LRMDA: variants seen among roughly 807,000 people sequenced by gnomAD.
LRMDA encodes the protein leucine rich melanocyte differentiation associated.
A neutral mutation model predicts 29.8 loss-of-function variants in LRMDA; 18 were observed. The ratio of observed to expected loss-of-function variants is 0.60; its 90% confidence interval spans 0.42 to 0.90. The LOEUF (loss-of-function observed/expected upper bound fraction) is 0.90, where lower values mean the gene tolerates loss of function less well. LRMDA is among the 40% of genes least tolerant of loss of function. The probability of loss-of-function intolerance (pLI) is 0.00; values close to 1 mark genes in which losing one functional copy is unlikely to be tolerated. For synonymous variants in LRMDA, 125 were observed against 109.4 expected (o/e 1.14, Z -0.89); for missense variants, 273 against 273.9 (o/e 1.00, Z 0.02).
chr10:76,212,880 G>T (rs1165425238), intron 5 of LRMDA, among the ~76,000 whole-genome samples: 1 of 152,042 alleles, frequency 6.6e-6, no homozygotes, highest in African/African-American at 2.4e-5. Flanking sequence ...GGGGTGGGGG[G>T]ATGTGCCAAG....
chr10:75,465,588 T>C (rs760189580), intron 2 of LRMDA, among the ~76,000 whole-genome samples: 1 of 152,214 alleles, frequency 6.6e-6, no homozygotes, highest in Non-Finnish European at 1.5e-5. Flanking sequence ...ACTGCAGCTC[T>C]GATTTCAATT....
chr10:75,748,657 C>T (rs973251261), intron 2 of LRMDA, among the ~76,000 whole-genome samples: 7 of 152,126 alleles, frequency 4.6e-5, no homozygotes, highest in Non-Finnish European at 7.4e-5. Flanking sequence ...ATTACAGTTC[C>T]TTTAAGTCAC....
At chr10:76,290,067 G>T (rs1193204896) in intron 5 of LRMDA, among the ~76,000 whole-genome samples, 1 of 152,098 alleles carries the variant, frequency 6.6e-6, no homozygotes, top group Non-Finnish European at 1.5e-5. Context: ...GTGTGCCTAG[G>T]TCCATATTCA....
rs117609907 is a variant in LRMDA, at chr10:76,217,630, C to T, written c.517-106771C>T. ...AAGAAGAGAATGTTATTTTCTATTA[C>T]GTTCACACTGCTTTACGATGAGTCA... On this transcript the variant is annotated intron_variant, in intron 5 of 6. Transcript: ENST00000611255. Among the ~76,000 whole-genome samples the T allele has an allele frequency of 2.9e-3, 447 of 152,264 alleles. 1 individual carries two copies. Among genetic ancestry groups the T allele is most frequent in the Admixed American group, 5.0e-3 (77 of 15,284 alleles).
chr10:76,009,253 C>T (rs1847729547), intron 2 of LRMDA, among the ~76,000 whole-genome samples: 2 of 152,338 alleles, frequency 1.3e-5, no homozygotes, highest in African/African-American at 4.8e-5. Flanking sequence ...GGGACCCCCA[C>T]TGCTTCTGAC....
At chr10:76,411,868 C>T (rs1286399384) in intron 6 of LRMDA, among the ~76,000 whole-genome samples, 2 of 151,860 alleles carry the variant, frequency 1.3e-5, no homozygotes, top group Non-Finnish European at 2.9e-5. Flanking sequence ...TAGAGCTCTG[C>T]CAGAAAGCAA....
intron 5 of LRMDA, among the ~76,000 whole-genome samples, chr10:76,176,568 C>T (rs184710780): frequency 4.7e-4 from 71 of 152,204 alleles, no homozygotes; most frequent in African/African-American, 8.9e-4. Flanking sequence ...TTGAGGCGGG[C>T]GGATCACCTG....
chr10:75,824,704 T>A (rs1844219928), intron 2 of LRMDA, among the ~76,000 whole-genome samples: 1 of 152,054 alleles, frequency 6.6e-6, no homozygotes, highest in Non-Finnish European at 1.5e-5. Flanking sequence ...AAACTTTCAC[T>A]CCCCTCCTGC....
chr10:76,193,577 C>G (rs537949489), intron 5 of LRMDA, among the ~76,000 whole-genome samples: 1 of 152,190 alleles, frequency 6.6e-6, no homozygotes, highest in Non-Finnish European at 1.5e-5. Flanking sequence ...ATTATTATCG[C>G]ATATCTCTGG....
chr10:75,997,883 T>G (rs2132466030), intron 2 of LRMDA, among the ~76,000 whole-genome samples: 1 of 152,366 alleles, frequency 6.6e-6, no homozygotes, highest in South Asian at 2.1e-4. Flanking sequence ...CTTTCTGGGC[T>G]TTTCCTCTCC....
intron 2 of LRMDA, among the ~76,000 whole-genome samples, chr10:76,024,242 C>A (rs1405157516): frequency 6.6e-6 from 1 of 152,196 alleles, no homozygotes; most frequent in Non-Finnish European, 1.5e-5. Flanking sequence ...GAGGCAGACA[C>A]AGAGGAAATA....
intron 2 of LRMDA, among the ~76,000 whole-genome samples, chr10:75,985,926 T>C (rs768851474): frequency 3.2e-4 from 49 of 152,324 alleles, no homozygotes; most frequent in Non-Finnish European, 6.0e-4. Context: ...TTGCTTTGGG[T>C]GGCCAGACTG....
intron 6 of LRMDA, among the ~76,000 whole-genome samples, chr10:76,469,891 CT>C (rs2132315791): frequency 6.6e-6 from 1 of 152,192 alleles, no homozygotes; most frequent in East Asian, 1.9e-4. Context: ...ACCACTATCT[CT>C]TTCCAAAACA....
At chr10:75,919,091 T>C (rs1845983789) in intron 2 of LRMDA, among the ~76,000 whole-genome samples, 1 of 152,220 alleles carries the variant, frequency 6.6e-6, no homozygotes, top group Non-Finnish European at 1.5e-5. Context: ...TTAATGTCTA[T>C]TTTAGACAGG....
chr10:76,474,293 T>A (rs958910361), intron 6 of LRMDA, among the ~76,000 whole-genome samples: 2 of 151,500 alleles, frequency 1.3e-5, no homozygotes, highest in African/African-American at 4.8e-5. Context: ...AACATAGACA[T>A]AAATCTGTGT....
chr10:76,370,078 G>A (rs1841435463), intron 6 of LRMDA, among the ~76,000 whole-genome samples: 1 of 151,924 alleles, frequency 6.6e-6, no homozygotes. Flanking sequence ...ATGTTAAATA[G>A]ACTGCAGATC....
intron 2 of LRMDA, among the ~76,000 whole-genome samples, chr10:75,846,177 T>TTGTGTGTGTGTGTGTGTGTGTGTG (rs59549881): frequency 1.4e-5 from 2 of 142,976 alleles, no homozygotes; most frequent in South Asian, 2.2e-4. Flanking sequence ...GTGTGTGTGT[T>TTGTGTGTGTGTGTGTGTGTGTGTG]TGTGTGTGTG....
chr10:76,146,856 C>T (rs1589349597), intron 5 of LRMDA, among the ~76,000 whole-genome samples: 1 of 152,146 alleles, frequency 6.6e-6, no homozygotes, highest in East Asian at 1.9e-4. Flanking sequence ...GTGCTTCCTT[C>T]AGGAGCTCAT....
intron 2 of LRMDA, among the ~76,000 whole-genome samples, chr10:75,587,393 C>T (rs1439435660): frequency 6.6e-6 from 1 of 151,932 alleles, no homozygotes; most frequent in African/African-American, 2.4e-5. Flanking sequence ...ATTCTAGAGG[C>T]TTCTTAAAAG....
Sources: allele counts gnomAD v4.1 joint callset (sites outside exome capture counted in the v4.1 genomes callset), GRCh38; gene constraint gnomAD v4.1.1; transcripts MANE v1.5; gene names NCBI Gene and HGNC (gene_info 2026-07-23, HGNC 2026-07-21).